Variants in LPIN2 observed in about 807,000 individuals in gnomAD.
LPIN2 encodes the protein lipin 2, also known as phosphatidate phosphatase LPIN2.
A neutral mutation model predicts 111.4 loss-of-function variants in LPIN2; 55 were observed. The observed-to-expected ratio is 0.49, with a 90% CI of 0.40 to 0.62. The LOEUF (loss-of-function observed/expected upper bound fraction) is 0.62, where lower values mean the gene tolerates loss of function less well. LPIN2 is among the 20% of genes least tolerant of loss of function. The pLI is 0.00. For missense variants in LPIN2, 992 were observed against 1,112.1 expected, an observed-to-expected ratio of 0.89 and a Z score of 1.54; for synonymous variants, 425 against 414.0, an observed-to-expected ratio of 1.03 and a Z score of -0.32.
At chr18:3,006,683 A>G (rs1364391649) in intron 1 of LPIN2, among the ~76,000 whole-genome samples, 1 of 152,120 alleles carries the variant, frequency 6.6e-6, no homozygotes, top group Non-Finnish European at 1.5e-5. Context: ...TAAAAATACA[A>G]AAAATTAGCC....
intron 3 of LPIN2, among the ~76,000 whole-genome samples, chr18:2,953,037 T>G (rs2077560786): frequency 6.6e-6 from 1 of 152,264 alleles, no homozygotes; most frequent in African/African-American, 2.4e-5. Context: ...AGAGGCATGT[T>G]GTATTCATAG....
chr18:2,997,658 TG>T (rs1567861787), intron 1 of LPIN2, among the ~76,000 whole-genome samples: 1 of 152,192 alleles, frequency 6.6e-6, no homozygotes, highest in South Asian at 2.1e-4. Flanking sequence ...ATGACTCCTG[TG>T]GGGGGAGAGC....
intron 1 of LPIN2, among the ~76,000 whole-genome samples, chr18:2,992,422 T>C (rs111925667): frequency 0.01 from 1,592 of 152,340 alleles, 26 homozygotes; most frequent in African/African-American, 0.036. Flanking sequence ...TGGAGAGTTA[T>C]TGCTTAATGG....
intron 1 of LPIN2, among the ~76,000 whole-genome samples, chr18:2,996,204 G>A (rs892171582): frequency 6.6e-6 from 1 of 151,996 alleles, no homozygotes; most frequent in Non-Finnish European, 1.5e-5. Context: ...GCTGAGCGTG[G>A]TGGTGCATGC....
chr18:2,949,148 T>C (rs2077498065), intron 4 of LPIN2, among the ~76,000 whole-genome samples: 2 of 152,152 alleles, frequency 1.3e-5, no homozygotes, highest in South Asian at 4.1e-4. Context: ...AGTAGAAAAG[T>C]AAAAAATCTC....
chr18:2,946,453 T>G (rs1368690890), intron 4 of LPIN2: 1 of 1,442,042 alleles, frequency 6.9e-7, no homozygotes, highest in Admixed American at 1.7e-5. Flanking sequence ...CTGGAACGCC[T>G]GGGTGATATG....
At chr18:2,989,477 A>T (rs1161467725) in intron 1 of LPIN2, among the ~76,000 whole-genome samples, 1 of 152,228 alleles carries the variant, frequency 6.6e-6, no homozygotes, top group Admixed American at 6.5e-5. Flanking sequence ...AATATTACCT[A>T]AAGCGATCTT....
rs1262466817 is a variant in LPIN2, at chr18:2,951,331, G to A, written c.314C>T (p.Thr105Ile). Residue 105 changes from threonine to isoleucine, a missense_variant, in exon 4 of 20, where the codon ACC becomes ATC. By Grantham distance (89) the Thr-to-Ile change is moderately conservative. This residue lies in a region of LPIN2 where 709 missense variants were observed against 753.2 expected (regional missense o/e 0.94). Transcript: ENST00000677752. ...EYEKLPAYLA[T>I]SPIPTEDQFF... ...CTGATCTTCAGTAGGAATTGGTGAG[G>A]TGGCAAGGTAAGCAGGAAGCTTTTC... 8 of 1,614,114 alleles carry A rather than the reference G, an allele frequency of 5.0e-6. No homozygotes were observed. Among genetic ancestry groups the A allele is most frequent in the Non-Finnish European group, 6.8e-6 (8 of 1,180,030 alleles).
chr18:2,932,322 AAC>A (rs1010921761), intron 8 of LPIN2, among the ~76,000 whole-genome samples: 4 of 152,338 alleles, frequency 2.6e-5, no homozygotes, highest in African/African-American at 9.6e-5. Flanking sequence ...GAATTAAAAA[AAC>A]AGTGACCCAG....
chr18:2,922,140 C>A lies in LPIN2; in HGVS notation c.2234G>T (p.Arg745Leu). 1 of 1,613,914 alleles carries A rather than the reference C, an allele frequency of 6.2e-7. No homozygotes were observed. The change falls in exon 17 of 20, where the codon CGT becomes CTT. Residue 745 changes from arginine to leucine, a missense_variant. Arg to Leu is a moderately radical substitution (Grantham distance 102). Transcript: ENST00000677752. ...GTCATTGACCCAGTGCAGGTAGCCACGGGTCATGTCGGCCATGCCGATGGC... is the reference window on the plus strand; with the variant it reads ...GTCATTGACCCAGTGCAGGTAGCCAAGGGTCATGTCGGCCATGCCGATGGC... The part of the protein sequence containing the change: ...ARAIGMADMT[R>L]GYLHWVNDKG...
intron 1 of LPIN2, among the ~76,000 whole-genome samples, chr18:2,976,814 CA>C (rs1567848830): frequency 1.3e-5 from 2 of 152,170 alleles, no homozygotes; most frequent in Non-Finnish European, 2.9e-5. Flanking sequence ...CACCATGGAA[CA>C]GACTGTTCAT....
intron 4 of LPIN2, among the ~76,000 whole-genome samples, chr18:2,942,097 T>C (rs924939052): frequency 6.6e-6 from 1 of 152,148 alleles, no homozygotes; most frequent in Non-Finnish European, 1.5e-5. Flanking sequence ...TTTTTTAATA[T>C]TACTCTTCTT....
chr18:2,939,244 T>C (rs1159658725), intron 6 of LPIN2, among the ~76,000 whole-genome samples: 5 of 152,262 alleles, frequency 3.3e-5, no homozygotes, highest in Non-Finnish European at 7.3e-5. Context: ...TTAACAATCA[T>C]TATTATTCAG....
At chr18:2,960,256 A>G (rs1283332966) in intron 2 of LPIN2, among the ~76,000 whole-genome samples, 6 of 150,692 alleles carry the variant, frequency 4.0e-5, no homozygotes, top group African/African-American at 1.5e-4. Flanking sequence ...TACAATTAGT[A>G]TGAAGGTATT....
intron 3 of LPIN2, among the ~76,000 whole-genome samples, chr18:2,953,757 T>G (rs771158298): frequency 6.6e-6 from 1 of 152,238 alleles, no homozygotes; most frequent in Non-Finnish European, 1.5e-5. Flanking sequence ...TGAAGAATGA[T>G]GTACTGATGC....
intron 4 of LPIN2, among the ~76,000 whole-genome samples, chr18:2,947,362 C>T (rs1304299912): frequency 1.3e-5 from 2 of 152,210 alleles, no homozygotes; most frequent in Non-Finnish European, 2.9e-5. Flanking sequence ...CTCTCTCTCA[C>T]ACAAAGACAT....
At chr18:2,964,282 C>CAAAA (rs56276815) in intron 1 of LPIN2, among the ~76,000 whole-genome samples, 69 of 56,628 alleles carry the variant, frequency 1.2e-3, no homozygotes, top group Middle Eastern at 0.012. Flanking sequence ...GACTCCGTCT[C>CAAAA]AAAAAAAAAA....
chr18:2,986,535 A>AT lies in LPIN2; in HGVS notation c.-9-25687dup, dbSNP rs1567854955. Among the ~76,000 whole-genome samples the AT allele has an allele frequency of 4.0e-5, 3 of 74,572 alleles. No individual in the cohort carries two copies. In the South Asian group the frequency reaches 1.4e-3, roughly 34 times the overall value. 48.9% of individuals were successfully genotyped at this position (74,572 alleles called of 152,430 possible). A position where few individuals can be genotyped will look rare whatever the true frequency, so the allele number is the denominator to read the frequency against. ...TTTTGTAGTCTATTGTGATAAGTCT[A>AT]TTTTTTTAATGTAAAAAAAAAAAAA... is the stretch of plus-strand genomic sequence containing the variant. On this transcript the variant is annotated intron_variant, in intron 1 of 19. Transcript: ENST00000677752.
chr18:2,921,978 C>A, intron 17 of LPIN2, 69 bp downstream of exon 17: 1 of 1,537,816 alleles, frequency 6.5e-7, no homozygotes, highest in East Asian at 2.3e-5. Context: ...CCACACATCC[C>A]CCCACCTTGG....
Sources: gnomAD v4.1 joint callset for allele counts (sites outside exome capture counted in the v4.1 genomes callset) on GRCh38, gnomAD v4.1.1 for gene constraint, gnomAD v4.1.1 regional missense constraint, MANE v1.5 for transcripts, NCBI Gene and HGNC (gene_info 2026-07-23, HGNC 2026-07-21) for gene names.